The following WWOX variants were observed in gnomAD, a reference collection of about 807,000 sequenced individuals.
WWOX encodes WW domain containing oxidoreductase.
Under a neutral mutation model 46.2 loss-of-function variants are expected in WWOX, and 69 were observed. The ratio of observed to expected loss-of-function variants is 1.49; its 90% CI spans 1.23 to 1.82. The LOEUF is 1.82. Among genes scored for constraint, WWOX ranks in the 40% most tolerant of loss-of-function variants. WWOX has a pLI of 0.00. For synonymous variants in WWOX, 359 were observed against 202.6 expected (o/e 1.77, Z -6.56); for missense variants, 919 against 542.6 (o/e 1.69, Z -6.89).
At chr16:78,500,152 G>C (rs187960632) in intron 8 of WWOX, among the ~76,000 whole-genome samples, 2 of 152,302 alleles carry the variant, frequency 1.3e-5, no homozygotes, top group African/African-American at 2.4e-5. Flanking sequence ...GCCAAGGATA[G>C]CTTTTTGGTG....
chr16:78,833,465 C>T (rs969641890), intron 8 of WWOX, among the ~76,000 whole-genome samples: 1 of 152,132 alleles, frequency 6.6e-6, no homozygotes, highest in Admixed American at 6.5e-5. Context: ...TTCTATTCTC[C>T]TTCCTCATCA....
At chr16:78,730,643 A>G (rs1381510317) in intron 8 of WWOX, among the ~76,000 whole-genome samples, 1 of 120,728 alleles carries the variant, frequency 8.3e-6, no homozygotes, top group Admixed American at 1.0e-4. Context: ...TTTTTTAAGT[A>G]GAGACAGGGT....
intron 8 of WWOX, among the ~76,000 whole-genome samples, chr16:79,176,603 G>A (rs1262762397): frequency 6.6e-6 from 1 of 152,186 alleles, no homozygotes; most frequent in Non-Finnish European, 1.5e-5. Context: ...ATGTGAGAAA[G>A]TTAAACTGAT....
Position 78,186,282 on chromosome 16 carries a change from T to G in WWOX, c.516+21993T>G, listed in dbSNP as rs533894438. Among the ~76,000 whole-genome samples the G allele has an allele frequency of 7.2e-5, 11 of 152,098 alleles. No individual in the cohort carries two copies. In the South Asian group the frequency reaches 2.3e-3, roughly 32 times the overall value. On this transcript the variant is annotated intron_variant, in intron 5 of 8. Coordinates refer to ENST00000566780, the MANE Select transcript of WWOX (RefSeq NM_016373.4). The stretch of plus-strand genomic sequence containing the variant: ...ACGGCTCCTGGAAAGGTTAACAATA[T>G]GTAGGTGACCCTTTATTTTCATCAG...
Position 78,803,649 on chromosome 16 carries a change from T to C in WWOX, c.1056+370897T>C, listed in dbSNP as rs6564591. ...TTTAATTTTTATTTTTGTAGAGATG[T>C]GGTCTCCCTATGTTGCCCAGGTTGC... On this transcript the variant is annotated intron_variant, in intron 8 of 8. Transcript: ENST00000566780. 2.0e-5 allele frequency among the ~76,000 whole-genome samples: 3 copies of C among 151,866 alleles called. No individual in the cohort carries two copies. The South Asian group carries it at 6.2e-4, about 32-fold the overall frequency.
intron 8 of WWOX, among the ~76,000 whole-genome samples, chr16:78,700,042 G>A (rs1597461551): frequency 6.6e-6 from 1 of 152,180 alleles, no homozygotes; most frequent in East Asian, 1.9e-4. Context: ...ACATAGAAAT[G>A]TCCTGGCTCT....
chr16:78,109,742 C>A (rs765370099), intron 2 of WWOX, 36 bp from the exon 3 acceptor site: 1 of 1,613,226 alleles, frequency 6.2e-7, no homozygotes, highest in Non-Finnish European at 8.5e-7. Context: ...TTTACTTCTC[C>A]CTGGCACCTG....
At chr16:78,276,219 T>C (rs1741299684) in intron 5 of WWOX, among the ~76,000 whole-genome samples, 1 of 152,148 alleles carries the variant, frequency 6.6e-6, no homozygotes, top group Admixed American at 6.6e-5. Context: ...GCTCTTACTC[T>C]CACCAGCTCT....
At chr16:78,624,733 A>G (rs1314662761) in intron 8 of WWOX, among the ~76,000 whole-genome samples, 1 of 152,216 alleles carries the variant, frequency 6.6e-6, no homozygotes, top group African/African-American at 2.4e-5. Context: ...ATCATTTGGA[A>G]TTCTCCAGCA....
intron 5 of WWOX, among the ~76,000 whole-genome samples, chr16:78,170,144 C>T (rs1400588534): frequency 6.6e-6 from 1 of 152,138 alleles, no homozygotes; most frequent in Non-Finnish European, 1.5e-5. Flanking sequence ...CAAAATGTCT[C>T]CAGGCATTGC....
chr16:78,424,107 CTT>C (rs199817825), intron 6 of WWOX, among the ~76,000 whole-genome samples: 126 of 102,130 alleles, frequency 1.2e-3, no homozygotes, highest in African/African-American at 4.5e-3. Flanking sequence ...CTTTTCTTTT[CTT>C]TTTTTTTTTT....
intron 5 of WWOX, among the ~76,000 whole-genome samples, chr16:78,233,964 C>G (rs1379973222): frequency 6.6e-6 from 1 of 152,186 alleles, no homozygotes; most frequent in Non-Finnish European, 1.5e-5. Context: ...CCAGAGGCAT[C>G]AGGGTAACCT....
At chr16:78,790,864 C>G (rs561497592) in intron 8 of WWOX, among the ~76,000 whole-genome samples, 2 of 151,416 alleles carry the variant, frequency 1.3e-5, no homozygotes, top group South Asian at 2.1e-4. Flanking sequence ...ACAAAAAATA[C>G]AAAAATTAGC....
chr16:78,755,623 T>G (rs1185336777), intron 8 of WWOX, among the ~76,000 whole-genome samples: 1 of 152,150 alleles, frequency 6.6e-6, no homozygotes, highest in Admixed American at 6.5e-5. Context: ...CCTGTGTGAT[T>G]TGTCACCTGG....
At chr16:78,854,755 AT>A (rs199636053) in intron 8 of WWOX, among the ~76,000 whole-genome samples, 1 of 151,942 alleles carries the variant, frequency 6.6e-6, no homozygotes, top group Non-Finnish European at 1.5e-5. Context: ...TACTTTTTGT[AT>A]TTTTAGTAAA....
chr16:78,701,111 T>C (rs1232621249), intron 8 of WWOX, among the ~76,000 whole-genome samples: 3 of 152,166 alleles, frequency 2.0e-5, no homozygotes, highest in Non-Finnish European at 2.9e-5. Flanking sequence ...TAGTGATAGT[T>C]ACCTCACAAG....
At chr16:78,566,100 C>T (rs976170676) in intron 8 of WWOX, among the ~76,000 whole-genome samples, 1 of 152,134 alleles carries the variant, frequency 6.6e-6, no homozygotes, top group African/African-American at 2.4e-5. Flanking sequence ...TTCTGGTTCC[C>T]AGATGGATGC....
chr16:78,662,649 A>C (rs1489582726), intron 8 of WWOX, among the ~76,000 whole-genome samples: 1 of 152,164 alleles, frequency 6.6e-6, no homozygotes, highest in Non-Finnish European at 1.5e-5. Flanking sequence ...ACATACATTC[A>C]TCATTTTGCT....
At chr16:78,966,921 G>A (rs377354256) in intron 8 of WWOX, among the ~76,000 whole-genome samples, 7 of 152,138 alleles carry the variant, frequency 4.6e-5, no homozygotes, top group Non-Finnish European at 7.3e-5. Context: ...GATAAAAAGC[G>A]TCTGCGTTGT....
Sources: gnomAD v4.1 joint callset for allele counts (sites outside exome capture counted in the v4.1 genomes callset) on GRCh38, gnomAD v4.1.1 for gene constraint, MANE v1.5 for transcripts, NCBI Gene and HGNC (gene_info 2026-07-23, HGNC 2026-07-21) for gene names.